The following TOX variants were observed in gnomAD, a reference collection of about 807,000 sequenced individuals.
TOX encodes the protein thymocyte selection associated high mobility group box.
TOX carries 11 observed loss-of-function variants against 53.7 expected under a neutral mutation model. That is an observed-to-expected ratio of 0.20 (90% CI 0.13 to 0.34). The LOEUF (loss-of-function observed/expected upper bound fraction) is 0.34. Among genes scored for constraint, TOX ranks in the 10% least tolerant of loss-of-function variants. TOX has a pLI of 1.00. For missense variants in TOX, 570 were observed against 664.6 expected (o/e 0.86, Z 1.56); for synonymous variants, 225 against 245.3 (o/e 0.92, Z 0.77).
intron 1 of TOX, among the ~76,000 whole-genome samples, chr8:58,965,906 T>TC (rs1454076433): frequency 2.3e-5 from 3 of 131,100 alleles, no homozygotes; most frequent in Non-Finnish European, 5.0e-5. Context: ...TTTTTTTTTT[T>TC]TTTTTTTTTT....
intron 1 of TOX, among the ~76,000 whole-genome samples, chr8:58,996,291 G>A (rs1253293388): frequency 6.6e-6 from 1 of 152,212 alleles, no homozygotes; most frequent in African/African-American, 2.4e-5. Context: ...GAAGTGACTA[G>A]GGCAGACATG....
intron 2 of TOX, among the ~76,000 whole-genome samples, chr8:58,954,436 A>C (rs931245191): frequency 5.3e-5 from 8 of 152,248 alleles, no homozygotes; most frequent in Non-Finnish European, 1.0e-4. Context: ...GATATGTCAG[A>C]CATTATTCCA....
chr8:59,045,963 T>C (rs1030179608), intron 1 of TOX, among the ~76,000 whole-genome samples: 5 of 152,226 alleles, frequency 3.3e-5, no homozygotes, highest in South Asian at 4.1e-4. Flanking sequence ...TCACTCAATG[T>C]GTTCTGGGCT....
intron 3 of TOX, among the ~76,000 whole-genome samples, chr8:58,881,037 C>T (rs914768492): frequency 1.3e-5 from 2 of 151,894 alleles, no homozygotes; most frequent in African/African-American, 4.8e-5. Context: ...GAAGAGGACT[C>T]CCACAGGGGC....
intron 1 of TOX, among the ~76,000 whole-genome samples, chr8:58,997,367 C>CT (rs1176595824): frequency 6.6e-6 from 1 of 152,224 alleles, no homozygotes. Flanking sequence ...GTTGAACAAA[C>CT]TTTGAAACTA....
chr8:58,807,659 A>C lies in TOX; in HGVS notation c.*88T>G. 1 of 1,500,006 alleles carries C rather than the reference A, an allele frequency of 6.7e-7. No homozygotes were observed. The highest frequency in any genetic ancestry group is 2.3e-5 in the East Asian group (1 of 44,068). The allele number at this position is 1,500,006 out of a possible 1,614,324, so 92.9% of individuals were successfully genotyped here. A position where few individuals can be genotyped will look rare whatever the true frequency, so the allele number is the denominator to read the frequency against. On this transcript the variant is annotated 3_prime_UTR_variant, in exon 9 of 9. Transcript: ENST00000361421. ...CTTAGCAACTTGTATTTTCTAATAA[A>C]ATGGAGAACTGCCTTGACTGTACAA...
At chr8:58,897,620 A>C (rs189675079) in intron 3 of TOX, among the ~76,000 whole-genome samples, 1 of 152,152 alleles carries the variant, frequency 6.6e-6, no homozygotes, top group Non-Finnish European at 1.5e-5. Flanking sequence ...TCATGAGGCT[A>C]TAGTCATTCC....
intron 1 of TOX, among the ~76,000 whole-genome samples, chr8:58,998,024 C>A (rs1395891921): frequency 6.6e-6 from 1 of 152,066 alleles, no homozygotes; most frequent in Non-Finnish European, 1.5e-5. Flanking sequence ...GATCTCCTGA[C>A]CTCGTGATCC....
chr8:58,832,175 T>TATATAATATATGTAATATATGTA (rs1186745092), intron 5 of TOX, among the ~76,000 whole-genome samples: 8 of 52,726 alleles, frequency 1.5e-4, no homozygotes, highest in East Asian at 2.1e-3. Context: ...ATATATGTAA[T>TATATAATATATGTAATATATGTA]ATATATATAA....
At chr8:58,809,902 A>G (rs1012128977) in intron 7 of TOX, among the ~76,000 whole-genome samples, 4 of 152,212 alleles carry the variant, frequency 2.6e-5, no homozygotes, top group African/African-American at 9.6e-5. Flanking sequence ...CATGTTTTTC[A>G]TAAGTAAAGT....
chr8:58,831,332 G>A (rs1810450081), intron 5 of TOX, among the ~76,000 whole-genome samples: 1 of 152,136 alleles, frequency 6.6e-6, no homozygotes, highest in African/African-American at 2.4e-5. Flanking sequence ...CCCAGTATGT[G>A]CCTACTGTGG....
At chr8:58,981,344 C>T (rs1010866924) in intron 1 of TOX, among the ~76,000 whole-genome samples, 6 of 152,110 alleles carry the variant, frequency 3.9e-5, no homozygotes, top group Non-Finnish European at 7.4e-5. Context: ...TTTCAGAATT[C>T]ATCACTTCAA....
At chr8:58,887,026 T>C (rs11783096) in intron 3 of TOX, among the ~76,000 whole-genome samples, 15,792 of 151,838 alleles carry the variant, frequency 0.1, 1,279 homozygotes, top group African/African-American at 0.22. Flanking sequence ...GAAAGTATCC[T>C]TTGAATACTA....
intron 1 of TOX, among the ~76,000 whole-genome samples, chr8:59,112,456 G>A (rs1805032326): frequency 6.6e-6 from 1 of 152,096 alleles, no homozygotes; most frequent in Non-Finnish European, 1.5e-5. Flanking sequence ...AATTCATTAG[G>A]GCATATGTAA....
chr8:58,970,842 C>T (rs760850432), intron 1 of TOX, among the ~76,000 whole-genome samples: 1 of 152,206 alleles, frequency 6.6e-6, no homozygotes, highest in Non-Finnish European at 1.5e-5. Context: ...CTCACCATTC[C>T]ATTATTCTGC....
rs146479066 is a variant in TOX at position 59,019,613 on chromosome 8, TTTGTAAGTAAAACAAAA to T, written c.103-59622_103-59606del. On this transcript the variant is annotated intron_variant, in intron 1 of 8. Coordinates refer to ENST00000361421, the MANE Select transcript of TOX (RefSeq NM_014729.3). The stretch of plus-strand genomic sequence containing the variant: ...CAATTGACAAAATATTAAGAATATA[TTTGTAAGTAAAACAAAA>T]ATATAATTTAATGGGTTTACTCTTG... Among the ~76,000 whole-genome samples, 951 of 152,312 alleles carry T rather than the reference TTTGTAAGTAAAACAAAA, an allele frequency of 6.2e-3. 9 individuals are homozygous for T. Among genetic ancestry groups the T allele is most frequent in the African/African-American group, 0.022 (897 of 41,560 alleles).
intron 1 of TOX, among the ~76,000 whole-genome samples, chr8:59,043,237 G>A (rs922178924): frequency 1.3e-5 from 2 of 150,534 alleles, no homozygotes; most frequent in African/African-American, 5.0e-5. Flanking sequence ...ATCTGTGTGT[G>A]TCTGTGTGTA....
chr8:58,865,745 C>T (rs1811085841), intron 3 of TOX, among the ~76,000 whole-genome samples: 1 of 151,604 alleles, frequency 6.6e-6, no homozygotes, highest in African/African-American at 2.4e-5. Context: ...TTTTAATCTG[C>T]CAGGGGAATT....
At chr8:59,026,537 G>A (rs1267617078) in intron 1 of TOX, among the ~76,000 whole-genome samples, 1 of 152,130 alleles carries the variant, frequency 6.6e-6, no homozygotes, top group Non-Finnish European at 1.5e-5. Context: ...TGATAAATGA[G>A]CTATTTTCCT....
Sources: gnomAD v4.1 joint callset for allele counts (sites outside exome capture counted in the v4.1 genomes callset) on GRCh38, gnomAD v4.1.1 for gene constraint, MANE v1.5 for transcripts, NCBI Gene and HGNC (gene_info 2026-07-23, HGNC 2026-07-21) for gene names.